PTBP2: variants seen among roughly 807,000 people sequenced by gnomAD.
PTBP2 encodes polypyrimidine tract-binding protein 2.
PTBP2 carries 13 observed loss-of-function variants against 61.4 expected under a neutral mutation model. That is an observed-to-expected ratio of 0.21 (90% CI 0.14 to 0.34). PTBP2 has a LOEUF of 0.34. Ranked by LOEUF, PTBP2 falls within the 10% of genes least tolerant of loss-of-function variation. The pLI is 1.00. For synonymous variants in PTBP2, 215 were observed against 218.5 expected (o/e 0.98, Z 0.14); for missense variants, 405 against 642.6 (o/e 0.63, Z 4.00).
At chr1:96,774,657 T>A (rs1657811942) in intron 5 of PTBP2, among the ~76,000 whole-genome samples, 1 of 152,236 alleles carries the variant, frequency 6.6e-6, no homozygotes, top group Non-Finnish European at 1.5e-5. Flanking sequence ...CACACTCACC[T>A]GTTGGCTATA....
chr1:96,791,152 TAAA>T (rs551584030), intron 8 of PTBP2, among the ~76,000 whole-genome samples: 1 of 152,038 alleles, frequency 6.6e-6, no homozygotes, highest in Non-Finnish European at 1.5e-5. Flanking sequence ...TATGTACAAT[TAAA>T]AAAAATCTTT....
intron 8 of PTBP2, among the ~76,000 whole-genome samples, chr1:96,803,168 A>G (rs1033605357): frequency 6.6e-6 from 1 of 152,182 alleles, no homozygotes; most frequent in Admixed American, 6.5e-5. Context: ...ATTCAAAGAC[A>G]CACTGAAGAC....
downstream of PTBP2, chr1:96,819,100 A>G (rs1662588873): frequency 6.6e-6 from 1 of 152,028 alleles, no homozygotes; most frequent in South Asian, 2.1e-4. Context: ...AATAGAATGC[A>G]AATTAATACT....
chr1:96,731,330 C>A (rs531317654), intron 2 of PTBP2, among the ~76,000 whole-genome samples: 1 of 152,104 alleles, frequency 6.6e-6, no homozygotes, highest in African/African-American at 2.4e-5. Context: ...CTTGGCAATT[C>A]TAGGTTTTAT....
chr1:96,769,869 A>G lies in PTBP2; in HGVS notation c.282A>G (p.Lys94=). 1 of 1,587,398 alleles carries G rather than the reference A, an allele frequency of 6.3e-7. No individual in the cohort carries two copies. The highest frequency in any genetic ancestry group is 1.2e-5 in the South Asian group (1 of 86,010). Residue 94 remains lysine, a synonymous_variant, in exon 4 of 14, where the codon AAA becomes AAG. Transcript: ENST00000674951. ...KVTNILMLKG[K]NQAFLELATE... ...CCAACATCCTTATGCTGAAAGGAAA[A>G]AATCAGGTACACTTCTTTCAGGGTT...
chr1:96,806,616 T>C (rs915964187), intron 10 of PTBP2, among the ~76,000 whole-genome samples, 164 bp downstream of exon 10: 1 of 152,218 alleles, frequency 6.6e-6, no homozygotes, highest in African/African-American at 2.4e-5. Flanking sequence ...TTTTAATGCA[T>C]GCTAATTTAT....
At position 96,777,830 on chromosome 1, in the gene PTBP2, T is replaced by C. The variant is rs777428069; in HGVS notation, c.598-6T>C. 2 of 1,550,252 alleles carry C rather than the reference T, an allele frequency of 1.3e-6. No homozygotes were observed. Among genetic ancestry groups the C allele is most frequent in the Non-Finnish European group, 1.8e-6 (2 of 1,140,596 alleles). On this transcript the variant is annotated splice_region_variant and splice_polypyrimidine_tract_variant and intron_variant, in intron 6 of 13. Transcript: ENST00000674951. ...AAGTAATGTTTTGATTTTAATGTTTTAACAGATATTTTCTAAGTTTGGTGC... is the reference window on the plus strand; with the variant it reads ...AAGTAATGTTTTGATTTTAATGTTTCAACAGATATTTTCTAAGTTTGGTGC...
intron 2 of PTBP2, among the ~76,000 whole-genome samples, chr1:96,748,707 C>T (rs1233512211): frequency 1.3e-5 from 2 of 152,114 alleles, no homozygotes; most frequent in Admixed American, 6.5e-5. Context: ...CTAAGTACCA[C>T]TAATTTGATT....
At chr1:96,723,912 G>T (rs952599943) in intron 2 of PTBP2, among the ~76,000 whole-genome samples, 2 of 152,178 alleles carry the variant, frequency 1.3e-5, no homozygotes, top group Non-Finnish European at 2.9e-5. Flanking sequence ...TAAATGGATG[G>T]TAAGTGGTTT....
Position 96,814,060 on chromosome 1 carries a change from T to C in PTBP2, c.*655T>C, listed in dbSNP as rs1662323783. ...TTAAAATTAACAAGATGCAGAGTAT[T>C]AATTTCTTAAGACAACAAAGTGATT... On this transcript the variant is annotated 3_prime_UTR_variant, in exon 14 of 14. Coordinates refer to ENST00000674951, the MANE Select transcript of PTBP2 (RefSeq NM_021190.4). 1 of 152,548 alleles carries C rather than the reference T, an allele frequency of 6.6e-6. No homozygotes were observed. The highest frequency in any genetic ancestry group is 2.1e-4 in the South Asian group (1 of 4,834). 9.4% of individuals were successfully genotyped at this position (152,548 alleles called of 1,614,324 possible).
downstream of PTBP2, chr1:96,817,270 A>G (rs936709688): frequency 6.6e-6 from 1 of 152,128 alleles, no homozygotes; most frequent in Non-Finnish European, 1.5e-5. Flanking sequence ...GCCTTAATAT[A>G]TTAAAATGGA....
At chr1:96,729,544 T>C (rs540469284) in intron 2 of PTBP2, among the ~76,000 whole-genome samples, 1 of 152,106 alleles carries the variant, frequency 6.6e-6, no homozygotes, top group Non-Finnish European at 1.5e-5. Context: ...AGTGAAGCCA[T>C]GTGGGGCCAG....
At chr1:96,798,288 C>A (rs1320415297) in intron 8 of PTBP2, among the ~76,000 whole-genome samples, 1 of 151,690 alleles carries the variant, frequency 6.6e-6, no homozygotes, top group Non-Finnish European at 1.5e-5. Flanking sequence ...CGCCTGTAAT[C>A]TTAGCTACTC....
intron 2 of PTBP2, among the ~76,000 whole-genome samples, chr1:96,723,993 T>C (rs547100779): frequency 9.8e-5 from 15 of 152,326 alleles, no homozygotes; most frequent in African/African-American, 3.4e-4. Flanking sequence ...AAAATGAATA[T>C]ATTTTGGTTA....
At chr1:96,805,668 A>G (rs1199778539) in intron 9 of PTBP2, among the ~76,000 whole-genome samples, 1 of 152,176 alleles carries the variant, frequency 6.6e-6, no homozygotes, top group Non-Finnish European at 1.5e-5. Flanking sequence ...TCTAATTTGA[A>G]TATTTGTTTC....
chr1:96,819,135 T>G (rs574575313), downstream of PTBP2: 1 of 152,132 alleles, frequency 6.6e-6, no homozygotes, highest in African/African-American at 2.4e-5. Flanking sequence ...TTTATTACAT[T>G]TTGTGGTTTA....
rs776782329 is a variant in PTBP2 at position 96,723,557 on chromosome 1, T to C, written c.9-7T>C. The C allele has an allele frequency of 3.2e-6, 5 of 1,565,476 alleles. No homozygotes were observed. In the South Asian group the frequency reaches 6.0e-5, roughly 19 times the overall value. On this transcript the variant is annotated splice_region_variant and splice_polypyrimidine_tract_variant and intron_variant, in intron 1 of 13. Transcript: ENST00000674951. Reference sequence around the variant, plus strand: ...GGAGGTTGAAACTACTTATTTTTTCTTTGCAGAATCGTCACTGAGGTTGCA... The same window carrying C: ...GGAGGTTGAAACTACTTATTTTTTCCTTGCAGAATCGTCACTGAGGTTGCA...
intron 2 of PTBP2, among the ~76,000 whole-genome samples, chr1:96,736,541 T>C (rs145996645): frequency 6.6e-6 from 1 of 152,300 alleles, no homozygotes; most frequent in Non-Finnish European, 1.5e-5. Context: ...TTCTACTTAA[T>C]TGAAAAATAC....
intron 2 of PTBP2, among the ~76,000 whole-genome samples, chr1:96,736,452 TTG>T (rs1652195042): frequency 6.6e-6 from 1 of 152,114 alleles, no homozygotes; most frequent in Admixed American, 6.5e-5. Context: ...CTAGTATTGA[TTG>T]GAGCTGTGTT....
Sources: allele counts gnomAD v4.1 joint callset (sites outside exome capture counted in the v4.1 genomes callset), GRCh38; gene constraint gnomAD v4.1.1; transcripts MANE v1.5; gene names NCBI Gene and HGNC (gene_info 2026-07-23, HGNC 2026-07-21).